GUCY2F: variants seen among roughly 807,000 people sequenced by gnomAD.
GUCY2F encodes guanylate cyclase 2F, retinal, also known as retinal guanylyl cyclase 2.
GUCY2F carries 61 observed loss-of-function variants against 73.1 expected under a neutral mutation model. The ratio of observed to expected loss-of-function variants is 0.83; its 90% confidence interval spans 0.68 to 1.03. The LOEUF (loss-of-function observed/expected upper bound fraction) is 1.03. Ranked by LOEUF, GUCY2F falls within the 50% of genes least tolerant of loss-of-function variation. The pLI, the probability that GUCY2F is intolerant of heterozygous loss-of-function variation, is 0.00. For synonymous variants in GUCY2F, 331 were observed against 307.8 expected, an observed-to-expected ratio of 1.08 and a Z score of -0.79; for missense variants, 912 against 854.3, an observed-to-expected ratio of 1.07 and a Z score of -0.84.
chrX:109,436,224 G>C (rs1276039822), intron 7 of GUCY2F, among the ~76,000 whole-genome samples: 5 of 111,931 alleles, frequency 4.5e-5, no homozygotes, highest in Non-Finnish European at 9.4e-5. Context: ...GCAAATCAAA[G>C]CCACAATGAG....
At chrX:109,384,244 T>A (rs891744638) in intron 16 of GUCY2F, among the ~76,000 whole-genome samples, 23 of 112,100 alleles carry the variant, frequency 2.1e-4, no homozygotes, top group Non-Finnish European at 2.6e-4. Flanking sequence ...CTAGTTTGAG[T>A]ACAGTGCTGA....
intron 11 of GUCY2F, among the ~76,000 whole-genome samples, chrX:109,395,720 T>G (rs1930691882): frequency 9.0e-6 from 1 of 111,697 alleles, no homozygotes; most frequent in African/African-American, 3.3e-5. Flanking sequence ...TTGGTATCAT[T>G]TAGGCACTTT....
At chrX:109,435,824 GT>G (rs1931731762) in intron 7 of GUCY2F, among the ~76,000 whole-genome samples, 1 of 111,604 alleles carries the variant, frequency 9.0e-6, no homozygotes, top group East Asian at 2.8e-4. Flanking sequence ...TTTATGGAGA[GT>G]TTTTAGCATG....
chrX:109,460,825 T>C (rs901865311), intron 3 of GUCY2F, among the ~76,000 whole-genome samples: 2 of 111,849 alleles, frequency 1.8e-5, no homozygotes, highest in Non-Finnish European at 3.8e-5. Context: ...CAAATGAAAT[T>C]CATAAGGTAT....
In GUCY2F at chrX:109,455,612, C is replaced by T. The variant is rs949044575; in HGVS notation, c.1033-1753G>A. Among the ~76,000 whole-genome samples the T allele has an allele frequency of 5.2e-4, 58 of 111,433 alleles. 1 individual carries two copies. Among genetic ancestry groups the T allele is most frequent in the Non-Finnish European group, 5.8e-4 (31 of 53,016 alleles). The stretch of plus-strand genomic sequence containing the variant: ...TCAGGGACAAAATTTAGCTTGTAGA[C>T]ATTTTTATAGCCTGTTTAAGGGTTC... On this transcript the variant is annotated intron_variant, in intron 3 of 19. Coordinates refer to ENST00000218006, the MANE Select transcript of GUCY2F (RefSeq NM_001522.3).
intron 10 of GUCY2F, among the ~76,000 whole-genome samples, chrX:109,402,333 C>T (rs980579199): frequency 9.1e-6 from 1 of 110,461 alleles, no homozygotes; most frequent in Admixed American, 9.6e-5. Flanking sequence ...TTCAAAGTTG[C>T]CCATCTGGAA....
At chrX:109,438,329 T>C (rs1392552985) in intron 7 of GUCY2F, among the ~76,000 whole-genome samples, 2 of 112,180 alleles carry the variant, frequency 1.8e-5, no homozygotes, top group Middle Eastern at 4.2e-3. Context: ...AAGCCTCTTT[T>C]ATAAGAGCCT....
chrX:109,452,740 T>C (rs1932160894), intron 4 of GUCY2F, among the ~76,000 whole-genome samples: 1 of 111,841 alleles, frequency 8.9e-6, no homozygotes. Context: ...CCCTTTCAAA[T>C]AGATGCATTT....
chrX:109,399,027 G>A (rs1022238009), intron 10 of GUCY2F, among the ~76,000 whole-genome samples: 1 of 112,100 alleles, frequency 8.9e-6, no homozygotes, highest in Non-Finnish European at 1.9e-5. Context: ...TCCAGGGAAA[G>A]GCAAGTGTGC....
intron 19 of GUCY2F, among the ~76,000 whole-genome samples, chrX:109,373,858 AT>A (rs1201263169): frequency 1.8e-5 from 2 of 112,819 alleles, no homozygotes; most frequent in East Asian, 5.6e-4. Context: ...AGTAGTGGAT[AT>A]TTGGGGACAC....
At chrX:109,447,390 G>A (rs1388893497) in intron 6 of GUCY2F, among the ~76,000 whole-genome samples, 6 of 110,738 alleles carry the variant, frequency 5.4e-5, no homozygotes, top group African/African-American at 9.9e-5. Context: ...GTCCATCAAC[G>A]ATAGACTGGA....
At chrX:109,425,787 C>T (rs886715472) in intron 8 of GUCY2F, among the ~76,000 whole-genome samples, 2 of 109,998 alleles carry the variant, frequency 1.8e-5, no homozygotes, top group Non-Finnish European at 3.8e-5. Context: ...CCTGTTCCCC[C>T]CAAAAAACTA....
At position 109,389,982 on chromosome X, in the gene GUCY2F, G is replaced by A. The variant is rs1930523242; in HGVS notation, c.2782-1319C>T. 2.7e-5 allele frequency among the ~76,000 whole-genome samples: 3 copies of A among 111,942 alleles called. No homozygotes were observed. The South Asian group carries it at 1.1e-3, about 42-fold the overall frequency. Reference sequence around the variant, plus strand: ...CTTACCTTGTGCAATTTGAGGAAAGGATACCTACCCTCAGATAGGCATGCC... The same window carrying A: ...CTTACCTTGTGCAATTTGAGGAAAGAATACCTACCCTCAGATAGGCATGCC... On this transcript the variant is annotated intron_variant, in intron 14 of 19. Coordinates refer to ENST00000218006, the MANE Select transcript of GUCY2F (RefSeq NM_001522.3).
chrX:109,398,452 G>A, intron 11 of GUCY2F, 97 bp downstream of exon 11: 1 of 762,629 alleles, frequency 1.3e-6, no homozygotes, highest in Non-Finnish European at 2.0e-6. Flanking sequence ...CAGGCTGTTA[G>A]CACTAACACT....
chrX:109,378,006 G>A (rs756346271), intron 17 of GUCY2F, among the ~76,000 whole-genome samples: 1 of 111,248 alleles, frequency 9.0e-6, no homozygotes, highest in Non-Finnish European at 1.9e-5. Context: ...TTTTGCTAAA[G>A]GGAGAAAAAG....
intron 3 of GUCY2F, among the ~76,000 whole-genome samples, chrX:109,463,662 C>T (rs1305005483): frequency 9.0e-6 from 1 of 110,948 alleles, no homozygotes; most frequent in East Asian, 2.8e-4. Context: ...TGGTCTCGAT[C>T]TCCTGACCTC....
intron 5 of GUCY2F, among the ~76,000 whole-genome samples, chrX:109,449,761 T>A (rs1459804419): frequency 8.9e-6 from 1 of 111,895 alleles, no homozygotes; most frequent in South Asian, 3.7e-4. Flanking sequence ...GAGGGATCGT[T>A]ATTATCATTA....
intron 3 of GUCY2F, among the ~76,000 whole-genome samples, chrX:109,464,820 C>T (rs1043545250): frequency 8.9e-6 from 1 of 112,518 alleles, no homozygotes; most frequent in African/African-American, 3.2e-5. Flanking sequence ...GAACTTACAC[C>T]ACAAACAGGA....
At chrX:109,455,026 G>A (rs1270788873) in intron 3 of GUCY2F, among the ~76,000 whole-genome samples, 2 of 111,868 alleles carry the variant, frequency 1.8e-5, no homozygotes, top group Non-Finnish European at 3.8e-5. Flanking sequence ...AGGTGTAGCA[G>A]ATAGCAAGAC....
Sources: allele counts gnomAD v4.1 joint callset (sites outside exome capture counted in the v4.1 genomes callset), GRCh38; gene constraint gnomAD v4.1.1; transcripts MANE v1.5; gene names NCBI Gene and HGNC (gene_info 2026-07-23, HGNC 2026-07-21).